The following ATP8B4 variants were observed in gnomAD, a reference collection of about 807,000 sequenced individuals.
ATP8B4 encodes probable phospholipid-transporting ATPase IM.
Under a neutral mutation model 145.6 loss-of-function variants are expected in ATP8B4, and 133 were observed. The ratio of observed to expected loss-of-function variants is 0.91; its 90% confidence interval spans 0.79 to 1.05. The LOEUF is 1.05. Among genes scored for constraint, ATP8B4 ranks in the 50% least tolerant of loss-of-function variants. ATP8B4 has a pLI of 0.00. For missense variants in ATP8B4, 1,458 were observed against 1,425.2 expected, an observed-to-expected ratio of 1.02 and a Z score of -0.37; for synonymous variants, 507 against 492.9, an observed-to-expected ratio of 1.03 and a Z score of -0.38.
At chr15:49,943,724 C>A (rs1457793656) in intron 14 of ATP8B4, among the ~76,000 whole-genome samples, 2 of 152,116 alleles carry the variant, frequency 1.3e-5, no homozygotes, top group Admixed American at 1.3e-4. Flanking sequence ...CAAAGGGAGT[C>A]TTTCAGATTG....
chr15:50,091,724 T>C (rs1224759703), intron 2 of ATP8B4, among the ~76,000 whole-genome samples: 1 of 152,132 alleles, frequency 6.6e-6, no homozygotes, highest in Non-Finnish European at 1.5e-5. Context: ...CATTTCTTAC[T>C]CATACATCTT....
intron 4 of ATP8B4, 28 bp from the exon 5 acceptor site, chr15:50,044,720 G>A (rs756015837): frequency 1.3e-6 from 2 of 1,516,182 alleles, no homozygotes; most frequent in African/African-American, 2.8e-5. Flanking sequence ...AATAGTTTAG[G>A]GCTTTTAAAG....
intron 21 of ATP8B4, among the ~76,000 whole-genome samples, chr15:49,898,692 T>G (rs1202172618): frequency 5.3e-5 from 8 of 152,170 alleles, no homozygotes; most frequent in Non-Finnish European, 8.8e-5. Context: ...GCACTGTTGT[T>G]TTGTATATTT....
rs202153497 is a variant in ATP8B4, at chr15:49,967,648, T to C, written c.1243+4934A>G. Among the ~76,000 whole-genome samples the C allele has an allele frequency of 1.5e-4, 23 of 152,330 alleles. 1 individual carries two copies. In the East Asian group the frequency reaches 3.3e-3, roughly 22 times the overall value. ...GTGAAAAGACCAAACCTACGTTTCA[T>C]TGGTGTACCTGAAAGTGATGGGGAG... On this transcript the variant is annotated intron_variant, in intron 13 of 27. Coordinates refer to ENST00000284509, the MANE Select transcript of ATP8B4 (RefSeq NM_024837.4).
chr15:49,939,352 C>T (rs907009888), intron 14 of ATP8B4, among the ~76,000 whole-genome samples: 2 of 151,400 alleles, frequency 1.3e-5, no homozygotes, highest in African/African-American at 2.4e-5. Flanking sequence ...TGATAGACCA[C>T]TAGCAAGATT....
intron 2 of ATP8B4, among the ~76,000 whole-genome samples, chr15:50,084,424 T>C (rs1450606474): frequency 6.6e-6 from 1 of 152,170 alleles, no homozygotes; most frequent in Non-Finnish European, 1.5e-5. Flanking sequence ...AGGCCTCCTC[T>C]GCACACACCC....
At chr15:49,950,611 C>CAAAAAAAAAAA (rs1316878072) in intron 14 of ATP8B4, among the ~76,000 whole-genome samples, 1 of 107,196 alleles carries the variant, frequency 9.3e-6, no homozygotes, top group East Asian at 3.0e-4. Flanking sequence ...AACAAACAAA[C>CAAAAAAAAAAA]AAACAAACAA....
intron 1 of ATP8B4, among the ~76,000 whole-genome samples, chr15:50,153,425 G>A (rs907609891): frequency 3.4e-5 from 5 of 148,906 alleles, no homozygotes; most frequent in Admixed American, 2.0e-4. Context: ...TGCAACCTCC[G>A]CCCCCCAGGT....
intron 5 of ATP8B4, among the ~76,000 whole-genome samples, chr15:50,041,122 G>A (rs552897523): frequency 3.3e-5 from 5 of 152,302 alleles, no homozygotes; most frequent in African/African-American, 7.2e-5. Flanking sequence ...CCTCTATGAA[G>A]TGTGACTATA....
intron 3 of ATP8B4, among the ~76,000 whole-genome samples, chr15:50,073,093 ATG>A (rs893316121): frequency 1.4e-5 from 2 of 145,434 alleles, no homozygotes; most frequent in Non-Finnish European, 3.0e-5. Flanking sequence ...GTGTATATAT[ATG>A]TGTGTGTGTG....
chr15:49,874,948 A>T (rs2034174902), intron 25 of ATP8B4, among the ~76,000 whole-genome samples: 1 of 152,228 alleles, frequency 6.6e-6, no homozygotes, highest in Admixed American at 6.5e-5. Context: ...CACTATTGTA[A>T]TAGCACATAA....
chr15:49,917,148 G>C lies in ATP8B4; in HGVS notation c.2036-109C>G, dbSNP rs527387887. 5.1e-6 allele frequency: 5 copies of C among 988,364 alleles called. No individual in the cohort carries two copies. In the East Asian group the frequency reaches 1.2e-4, roughly 25 times the overall value. 61.2% of individuals were successfully genotyped at this position (988,364 alleles called of 1,614,324 possible). A position where few individuals can be genotyped will look rare whatever the true frequency, so the allele number is the denominator to read the frequency against. On this transcript the variant is annotated intron_variant, in intron 19 of 27. Transcript: ENST00000284509. ...TGTATTTTCTTAAAGCCTACAGGGGGCTGATGTCAGAGAGAGCACAACAGG... is the reference window on the plus strand; with the variant it reads ...TGTATTTTCTTAAAGCCTACAGGGGCCTGATGTCAGAGAGAGCACAACAGG...
intron 1 of ATP8B4, among the ~76,000 whole-genome samples, chr15:50,118,087 T>C (rs2057206699): frequency 6.6e-6 from 1 of 152,180 alleles, no homozygotes; most frequent in South Asian, 2.1e-4. Flanking sequence ...TAGTATTTGA[T>C]AACACGGTAG....
chr15:50,052,350 G>C (rs1247492263), intron 3 of ATP8B4, among the ~76,000 whole-genome samples: 1 of 152,216 alleles, frequency 6.6e-6, no homozygotes, highest in Non-Finnish European at 1.5e-5. Flanking sequence ...AGCCAAACTA[G>C]AGGCCACGGC....
intron 1 of ATP8B4, among the ~76,000 whole-genome samples, chr15:50,156,604 C>CA (rs1030081609): frequency 2.0e-5 from 3 of 152,056 alleles, no homozygotes; most frequent in Non-Finnish European, 4.4e-5. Context: ...CAGAGATAAA[C>CA]AAAAAACTTA....
chr15:50,022,523 C>T (rs1172698389), intron 6 of ATP8B4, among the ~76,000 whole-genome samples: 1 of 152,222 alleles, frequency 6.6e-6, no homozygotes, highest in Non-Finnish European at 1.5e-5. Context: ...GCTATGTCTG[C>T]TCTTAACAAT....
Position 49,859,994 on chromosome 15 carries a change from A to T in ATP8B4, c.*200T>A. 1 of 570,746 alleles carries T rather than the reference A, an allele frequency of 1.8e-6. No individual in the cohort carries two copies. Among genetic ancestry groups the T allele is most frequent in the Non-Finnish European group, 2.9e-6 (1 of 346,660 alleles). The allele number at this position is 570,746 out of a possible 1,614,324, so 35.4% of individuals were successfully genotyped here. ...TGTTTTGTCCACCAAATCACAAACC[A>T]GACAGTGACCCTCTGGCCTGGTTTT... On this transcript the variant is annotated 3_prime_UTR_variant, in exon 28 of 28. Coordinates refer to ENST00000284509, the MANE Select transcript of ATP8B4 (RefSeq NM_024837.4).
chr15:50,093,124 T>G (rs1011817120), intron 2 of ATP8B4, among the ~76,000 whole-genome samples: 2 of 151,800 alleles, frequency 1.3e-5, no homozygotes, highest in Admixed American at 6.6e-5. Flanking sequence ...CATTCAAATG[T>G]AAATCCAAAA....
intron 25 of ATP8B4, among the ~76,000 whole-genome samples, chr15:49,874,968 T>A (rs917182295): frequency 1.3e-5 from 2 of 151,990 alleles, no homozygotes; most frequent in African/African-American, 4.8e-5. Flanking sequence ...AAACAAATTA[T>A]GGGCAAGCAA....
Sources: allele counts gnomAD v4.1 joint callset (sites outside exome capture counted in the v4.1 genomes callset), GRCh38; gene constraint gnomAD v4.1.1; transcripts MANE v1.5; gene names NCBI Gene and HGNC (gene_info 2026-07-23, HGNC 2026-07-21).